VPS50: variants seen among roughly 807,000 people sequenced by gnomAD.
VPS50 encodes the protein VPS50 subunit of EARP/GARPII complex, also known as syndetin.
A neutral mutation model predicts 139.7 loss-of-function variants in VPS50; 70 were observed. That is an observed-to-expected ratio of 0.50 (90% CI 0.41 to 0.61). The LOEUF (loss-of-function observed/expected upper bound fraction) is 0.61. VPS50 is among the 20% of genes least tolerant of loss of function. VPS50 has a pLI of 0.00. For synonymous variants in VPS50, 365 were observed against 376.7 expected, an observed-to-expected ratio of 0.97 and a Z score of 0.36; for missense variants, 921 against 1,133.7, an observed-to-expected ratio of 0.81 and a Z score of 2.69.
intron 11 of VPS50, chr7:93,275,912 G>T: frequency 4.9e-6 from 2 of 408,640 alleles, no homozygotes; most frequent in Non-Finnish European, 8.8e-6. Context: ...ATGAATACCA[G>T]TTATAAATAA....
At chr7:93,289,611 A>G (rs928026698) in intron 12 of VPS50, among the ~76,000 whole-genome samples, 2 of 152,070 alleles carry the variant, frequency 1.3e-5, no homozygotes, top group Admixed American at 6.6e-5. Context: ...TTAGAGAGAA[A>G]TTGATTCATG....
chr7:93,315,154 C>T (rs936937100), intron 20 of VPS50, among the ~76,000 whole-genome samples: 1 of 151,958 alleles, frequency 6.6e-6, no homozygotes, highest in Non-Finnish European at 1.5e-5. Context: ...ACTATTTATA[C>T]TGTTTTTTAT....
intron 21 of VPS50, among the ~76,000 whole-genome samples, chr7:93,329,233 G>A (rs1180064974): frequency 6.6e-6 from 1 of 151,986 alleles, no homozygotes; most frequent in Non-Finnish European, 1.5e-5. Context: ...TCTCAGCAGA[G>A]AAATAGTAAA....
chr7:93,290,953 A>G (rs1182713124), intron 12 of VPS50, among the ~76,000 whole-genome samples: 5 of 152,088 alleles, frequency 3.3e-5, no homozygotes, highest in Admixed American at 2.0e-4. Context: ...TCAACTTTCA[A>G]TATTTCATCA....
intron 19 of VPS50, 30 bp downstream of exon 19, chr7:93,308,972 G>A: frequency 8.6e-7 from 1 of 1,158,966 alleles, no homozygotes; most frequent in Non-Finnish European, 1.3e-6. Flanking sequence ...GTGGTATTTA[G>A]CATTTTATCT....
chr7:93,357,219 G>A (rs1198297379), intron 27 of VPS50, among the ~76,000 whole-genome samples: 2 of 152,294 alleles, frequency 1.3e-5, no homozygotes, highest in East Asian at 1.9e-4. Context: ...ATACAAAGTA[G>A]CCAAGGAGGA....
intron 11 of VPS50, among the ~76,000 whole-genome samples, chr7:93,274,623 A>T (rs1796100783): frequency 6.6e-6 from 1 of 152,142 alleles, no homozygotes; most frequent in African/African-American, 2.4e-5. Context: ...GATATACAAG[A>T]AGATGAATGT....
At chr7:93,334,573 G>T (rs1231810797) in intron 22 of VPS50, among the ~76,000 whole-genome samples, 2 of 152,192 alleles carry the variant, frequency 1.3e-5, no homozygotes, top group Non-Finnish European at 2.9e-5. Context: ...GGGCCTTGAG[G>T]TGGGTGCAGC....
rs192388074 is a variant in VPS50 at position 93,331,336 on chromosome 7, G to A, written c.1978-2781G>A. 3.8e-4 allele frequency among the ~76,000 whole-genome samples: 58 copies of A among 151,840 alleles called. No homozygotes were observed. The East Asian group carries it at 0.011, about 29-fold the overall frequency. ...ACATTTTTGAAGACCAGAGTTAGAG[G>A]ATTTTTATACCTGATTTCACAAAGA... On this transcript the variant is annotated intron_variant, in intron 21 of 27. Transcript: ENST00000305866.
intron 1 of VPS50, among the ~76,000 whole-genome samples, chr7:93,238,746 A>G (rs946477490): frequency 7.9e-5 from 12 of 152,130 alleles, no homozygotes; most frequent in African/African-American, 2.9e-4. Context: ...ACTGAGAAAT[A>G]CTGTGTTCTT....
At position 93,359,037 on chromosome 7, in the gene VPS50, C is replaced by T. The variant is rs2117103766; in HGVS notation, c.*601C>T. 6.6e-6 allele frequency: 1 copy of T among 152,206 alleles called. No homozygotes were observed. The highest frequency in any genetic ancestry group is 1.9e-4 in the East Asian group (1 of 5,186). 9.4% of individuals were successfully genotyped at this position (152,206 alleles called of 1,614,324 possible). A position where few individuals can be genotyped will look rare whatever the true frequency, so the allele number is the denominator to read the frequency against. ...AGTATGATCAGCCTATGTGAGACTACATTTTGATTTTTTGTGTGGCATGCA... is the reference window on the plus strand; with the variant it reads ...AGTATGATCAGCCTATGTGAGACTATATTTTGATTTTTTGTGTGGCATGCA... On this transcript the variant is annotated 3_prime_UTR_variant, in exon 28 of 28. Coordinates refer to ENST00000305866, the MANE Select transcript of VPS50 (RefSeq NM_017667.4).
chr7:93,322,881 G>T (rs890922328), intron 20 of VPS50, among the ~76,000 whole-genome samples: 4 of 152,076 alleles, frequency 2.6e-5, no homozygotes, highest in African/African-American at 7.2e-5. Context: ...TGTAAATGCA[G>T]AAGTTTAATT....
chr7:93,308,902 G>A lies in VPS50; in HGVS notation c.1708G>A (p.Asp570Asn), dbSNP rs1562879717. ...TGATGTTCCTGAGGAACTCAAACGA[G>A]ACTATGTGGATGAGCAGACAGGAGA... is the stretch of plus-strand genomic sequence containing the variant. ...DSDVPEELKR[D>N]YVDEQTGDGP... The change falls in exon 19 of 28, where the codon GAC (aspartate) becomes AAC (asparagine). Residue 570 changes from aspartate (D) to asparagine (N), a missense_variant. By Grantham distance (23) the Asp-to-Asn change is conservative. Coordinates refer to ENST00000305866, the MANE Select transcript of VPS50 (RefSeq NM_017667.4). The A allele has an allele frequency of 6.2e-7, 1 of 1,604,746 alleles. No homozygotes were observed. Among genetic ancestry groups the A allele is most frequent in the Non-Finnish European group, 8.5e-7 (1 of 1,172,282 alleles).
rs375137704 is a variant in VPS50, at chr7:93,274,520, A to G, written c.802-1645A>G. Reference sequence around the variant, plus strand: ...ATGGCCTACTGAATGTGTTAAGCCCACTGTTGAGACCACCTGCTCAGAAAA... The same window carrying G: ...ATGGCCTACTGAATGTGTTAAGCCCGCTGTTGAGACCACCTGCTCAGAAAA... On this transcript the variant is annotated intron_variant, in intron 11 of 27. Transcript: ENST00000305866. 7.9e-5 allele frequency among the ~76,000 whole-genome samples: 12 copies of G among 152,202 alleles called. No homozygotes were observed. The East Asian group carries it at 1.7e-3, about 22-fold the overall frequency.
chr7:93,296,559 G>A (rs1037232967), intron 14 of VPS50, among the ~76,000 whole-genome samples, 183 bp from the exon 15 acceptor site: 2 of 152,110 alleles, frequency 1.3e-5, no homozygotes, highest in Non-Finnish European at 2.9e-5. Flanking sequence ...TCCTGGTATA[G>A]GAAATGGGAT....
intron 21 of VPS50, among the ~76,000 whole-genome samples, chr7:93,329,626 T>C (rs1242711191): frequency 6.6e-6 from 1 of 152,016 alleles, no homozygotes; most frequent in Non-Finnish European, 1.5e-5. Context: ...GCAGAGTACC[T>C]ATGATGAAAC....
intron 16 of VPS50, among the ~76,000 whole-genome samples, chr7:93,302,576 C>G (rs1411197813): frequency 6.6e-6 from 1 of 151,414 alleles, no homozygotes; most frequent in Non-Finnish European, 1.5e-5. Flanking sequence ...ACATTTTTTT[C>G]TATTTTATTT....
intron 16 of VPS50, among the ~76,000 whole-genome samples, chr7:93,298,874 T>A (rs1377119143): frequency 6.6e-6 from 1 of 152,170 alleles, no homozygotes; most frequent in African/African-American, 2.4e-5. Context: ...TAGACTTGGG[T>A]TCTTGTCGCA....
chr7:93,358,190 T>G (rs1798759858), intron 27 of VPS50, 127 bp from the exon 28 acceptor site: 1 of 812,166 alleles, frequency 1.2e-6, no homozygotes, highest in African/African-American at 1.7e-5. Flanking sequence ...TAATTTCCAC[T>G]GTTTTTCACT....
Sources: allele counts gnomAD v4.1 joint callset (sites outside exome capture counted in the v4.1 genomes callset), GRCh38; gene constraint gnomAD v4.1.1; transcripts MANE v1.5; gene names NCBI Gene and HGNC (gene_info 2026-07-23, HGNC 2026-07-21).